Variants in PLEKHA2 observed in about 807,000 individuals in gnomAD.
The protein encoded by PLEKHA2 is pleckstrin homology domain containing A2.
Under a neutral mutation model 53.2 loss-of-function variants are expected in PLEKHA2, and 28 were observed. The ratio of observed to expected loss-of-function variants is 0.53; its 90% confidence interval spans 0.39 to 0.72. The LOEUF (loss-of-function observed/expected upper bound fraction) is 0.72, where lower values mean the gene tolerates loss of function less well. PLEKHA2 is among the 30% of genes least tolerant of loss of function. PLEKHA2 has a pLI of 0.00. For synonymous variants in PLEKHA2, 193 were observed against 196.4 expected, an observed-to-expected ratio of 0.98 and a Z score of 0.14; for missense variants, 426 against 537.9, an observed-to-expected ratio of 0.79 and a Z score of 2.06.
At chr8:38,917,289 G>A (rs770473603) in intron 1 of PLEKHA2, among the ~76,000 whole-genome samples, 6 of 152,058 alleles carry the variant, frequency 3.9e-5, no homozygotes, top group Non-Finnish European at 7.4e-5. Context: ...ATGTGATCCC[G>A]CCTGTCCATG....
intron 5 of PLEKHA2, among the ~76,000 whole-genome samples, chr8:38,948,085 CAAAAA>C (rs386412587): frequency 1.7e-5 from 2 of 119,082 alleles, no homozygotes; most frequent in Non-Finnish European, 3.4e-5. Context: ...GACTCCATCT[CAAAAA>C]AAAAAAAAAA....
intron 3 of PLEKHA2, among the ~76,000 whole-genome samples, chr8:38,940,908 A>AT (rs76092278): frequency 4.6e-5 from 7 of 151,438 alleles, no homozygotes; most frequent in Non-Finnish European, 1.0e-4. Flanking sequence ...ATATATATAT[A>AT]AAATATTTGA....
Position 38,918,706 on chromosome 8 carries a change from C to T in PLEKHA2, c.141+636C>T, listed in dbSNP as rs537103114. On this transcript the variant is annotated intron_variant, in intron 2 of 11. Coordinates refer to ENST00000617275, the MANE Select transcript of PLEKHA2 (RefSeq NM_021623.2). ...CCACGCACACCACACACACCACACA[C>T]GCATGCACCTCATACACATGCAGAC... 3.3e-5 allele frequency among the ~76,000 whole-genome samples: 5 copies of T among 149,848 alleles called. No homozygotes were observed. In the South Asian group the frequency reaches 6.4e-4, roughly 19 times the overall value.
chr8:38,905,008 C>A (rs1833848570), intron 1 of PLEKHA2, among the ~76,000 whole-genome samples: 1 of 152,162 alleles, frequency 6.6e-6, no homozygotes, highest in East Asian at 1.9e-4. Context: ...AGGAAATAGA[C>A]CCTGAAGACT....
At chr8:38,934,872 T>TA (rs61354141) in intron 2 of PLEKHA2, among the ~76,000 whole-genome samples, 20 of 150,180 alleles carry the variant, frequency 1.3e-4, no homozygotes, top group Admixed American at 2.0e-4. Context: ...CTATGTATTA[T>TA]AAAAAAAAAA....
chr8:38,938,633 C>T (rs529047853), intron 3 of PLEKHA2, among the ~76,000 whole-genome samples: 4 of 152,334 alleles, frequency 2.6e-5, no homozygotes, highest in African/African-American at 9.6e-5. Context: ...GTCTGCGTCA[C>T]TCTACGGGGG....
At chr8:38,907,781 C>A (rs1833899666) in intron 1 of PLEKHA2, among the ~76,000 whole-genome samples, 1 of 146,892 alleles carries the variant, frequency 6.8e-6, no homozygotes, top group Non-Finnish European at 1.5e-5. Flanking sequence ...AAAAATTAAT[C>A]TATTCATCTT....
intron 1 of PLEKHA2, among the ~76,000 whole-genome samples, chr8:38,916,686 G>A (rs1036891530): frequency 2.0e-5 from 3 of 152,164 alleles, no homozygotes; most frequent in Admixed American, 2.0e-4. Flanking sequence ...GGCCACTTAA[G>A]TTGCTTCCAA....
intron 2 of PLEKHA2, among the ~76,000 whole-genome samples, chr8:38,933,280 G>C (rs965912428): frequency 6.6e-6 from 1 of 152,144 alleles, no homozygotes; most frequent in Non-Finnish European, 1.5e-5. Context: ...GGGCCCTCTC[G>C]TGTCTTTCCA....
At chr8:38,907,713 A>G (rs1035774064) in intron 1 of PLEKHA2, among the ~76,000 whole-genome samples, 1 of 149,570 alleles carries the variant, frequency 6.7e-6, no homozygotes, top group African/African-American at 2.5e-5. Flanking sequence ...TTGAGCCATC[A>G]TTGTGCCACT....
At chr8:38,952,052 T>G in intron 6 of PLEKHA2, 114 bp from the exon 7 acceptor site, 6 of 1,329,328 alleles carry the variant, frequency 4.5e-6, no homozygotes, top group Non-Finnish European at 6.2e-6. Context: ...GCCCACCATT[T>G]ATTTCTTCTT....
chr8:38,952,701 G>A lies in PLEKHA2; in HGVS notation c.699G>A (p.Glu233=). The A allele has an allele frequency of 6.2e-7, 1 of 1,612,208 alleles. No homozygotes were observed. Among genetic ancestry groups the A allele is most frequent in the Non-Finnish European group, 8.5e-7 (1 of 1,179,582 alleles). The change falls in exon 8 of 12, where the codon GAG becomes GAA. Residue 233 remains glutamate (E), a synonymous_variant. Coordinates refer to ENST00000617275, the MANE Select transcript of PLEKHA2 (RefSeq NM_021623.2). ...DDFTICYFKC[E]QDREPLRTIF... ...TTACCATCTGCTACTTCAAGTGTGAGCAGGTTTGTAGTAGCTTTGCTGCCC... is the reference window on the plus strand; with the variant it reads ...TTACCATCTGCTACTTCAAGTGTGAACAGGTTTGTAGTAGCTTTGCTGCCC...
chr8:38,931,109 C>T (rs928043699), intron 2 of PLEKHA2, among the ~76,000 whole-genome samples: 5 of 152,154 alleles, frequency 3.3e-5, no homozygotes, highest in Admixed American at 3.3e-4. Context: ...GAAACCCCAT[C>T]TCTACTAAAA....
chr8:38,943,486 T>G (rs942649621), intron 3 of PLEKHA2, among the ~76,000 whole-genome samples: 5 of 151,882 alleles, frequency 3.3e-5, no homozygotes, highest in Non-Finnish European at 7.4e-5. Context: ...ACCCTATATC[T>G]AAATAAATAA....
chr8:38,963,280 A>C (rs180808531), intron 10 of PLEKHA2, among the ~76,000 whole-genome samples: 1 of 152,244 alleles, frequency 6.6e-6, no homozygotes, highest in South Asian at 2.1e-4. Context: ...GTGCACACAC[A>C]TAAGCACACC....
Position 38,969,795 on chromosome 8 carries a change from G to A in PLEKHA2, c.*12G>A. ...CCTCTGATGTGTGATGGAGCACAGT[G>A]CCATGGGAGGGAGGGAGGGAGGGAG... On this transcript the variant is annotated 3_prime_UTR_variant, in exon 12 of 12. Coordinates refer to ENST00000617275, the MANE Select transcript of PLEKHA2 (RefSeq NM_021623.2). The A allele has an allele frequency of 2.2e-6, 1 of 459,488 alleles. No homozygotes were observed. Among genetic ancestry groups the A allele is most frequent in the South Asian group, 1.6e-5 (1 of 63,018 alleles). 28.5% of individuals were successfully genotyped at this position (459,488 alleles called of 1,614,324 possible). A position where few individuals can be genotyped will look rare whatever the true frequency, so the allele number is the denominator to read the frequency against.
rs898207081 is a variant in PLEKHA2 at position 38,971,473 on chromosome 8, G to C, written c.*1690G>C. 2 of 152,102 alleles carry C rather than the reference G, an allele frequency of 1.3e-5. No homozygotes were observed. The allele number at this position is 152,102 out of a possible 1,614,324, so 9.4% of individuals were successfully genotyped here. A position where few individuals can be genotyped will look rare whatever the true frequency, so the allele number is the denominator to read the frequency against. On this transcript the variant is annotated 3_prime_UTR_variant, in exon 12 of 12. Transcript: ENST00000617275. ...GCTCCTTAGCTCTGGTTTTACTCTC[G>C]TATTTTCCCCAAGAAAATTTTTTGG...
chr8:38,953,566 C>G (rs1432398733), intron 9 of PLEKHA2, among the ~76,000 whole-genome samples, 199 bp downstream of exon 9: 1 of 152,146 alleles, frequency 6.6e-6, no homozygotes, highest in Non-Finnish European at 1.5e-5. Context: ...TGCCCTCTTC[C>G]CATACCTTAC....
Position 38,950,939 on chromosome 8 carries a change from C to G in PLEKHA2, c.435C>G (p.Ala145=), listed in dbSNP as rs371039918. ...PPALEKKPQV[A]YKTEIIGGVV... is the part of the protein sequence containing the mutation. ...CCCTGGAGAAGAAGCCACAGGTGGCCTACAAGACGGAGATCATTGGAGGGG... is the reference window on the plus strand; with the variant it reads ...CCCTGGAGAAGAAGCCACAGGTGGCGTACAAGACGGAGATCATTGGAGGGG... Residue 145 remains alanine (A), a synonymous_variant, in exon 6 of 12, where the codon GCC becomes GCG. Coordinates refer to ENST00000617275, the MANE Select transcript of PLEKHA2 (RefSeq NM_021623.2). 195 of 1,613,882 alleles carry G rather than the reference C, an allele frequency of 1.2e-4. 1 individual carries two copies. Among genetic ancestry groups the G allele is most frequent in the Non-Finnish European group, 1.6e-4 (189 of 1,179,890 alleles).
Sources: gnomAD v4.1 joint callset for allele counts (sites outside exome capture counted in the v4.1 genomes callset) on GRCh38, gnomAD v4.1.1 for gene constraint, MANE v1.5 for transcripts, NCBI Gene and HGNC (gene_info 2026-07-23, HGNC 2026-07-21) for gene names.